PHLPP2: variants seen among roughly 807,000 people sequenced by gnomAD.
PHLPP2 encodes PH domain and leucine rich repeat protein phosphatase 2.
PHLPP2 carries 66 observed loss-of-function variants against 124.9 expected under a neutral mutation model. That is an observed-to-expected ratio of 0.53 (90% CI 0.43 to 0.65). PHLPP2 has a LOEUF of 0.65. Ranked by LOEUF, PHLPP2 falls within the 30% of genes least tolerant of loss-of-function variation. The probability of loss-of-function intolerance (pLI) is 0.00; values close to 1 mark genes in which losing one functional copy is unlikely to be tolerated. For missense variants in PHLPP2, 1,685 were observed against 1,600.4 expected, an observed-to-expected ratio of 1.05 and a Z score of -0.90; for synonymous variants, 681 against 624.7, an observed-to-expected ratio of 1.09 and a Z score of -1.34.
Position 71,663,848 on chromosome 16 carries a change from A to G in PHLPP2, c.1985+51T>C, listed in dbSNP as rs2044814835. The G allele has an allele frequency of 4.4e-6, 6 of 1,375,352 alleles. 1 individual carries two copies. In the African/African-American group the frequency reaches 5.7e-5, roughly 13 times the overall value. The allele number at this position is 1,375,352 out of a possible 1,614,324, so 85.2% of individuals were successfully genotyped here. A position where few individuals can be genotyped will look rare whatever the true frequency, so the allele number is the denominator to read the frequency against. ...GATGGCTATATTTTTTCTGACAAAT[A>G]TAGAATTAATGTTGTGTATTTGAAA... is the stretch of plus-strand genomic sequence containing the variant. On this transcript the variant is annotated intron_variant, in intron 13 of 18. Coordinates refer to ENST00000568954, the MANE Select transcript of PHLPP2 (RefSeq NM_015020.3).
chr16:71,723,901 G>GCGCGACGGCGTGCGGAGC (rs2045415912), intron 1 of PHLPP2: 1 of 899,858 alleles, frequency 1.1e-6, no homozygotes, highest in African/African-American at 1.8e-5. Context: ...CGCCCGGCCC[G>GCGCGACGGCGTGCGGAGC]CGCGACGGCG....
intron 1 of PHLPP2, among the ~76,000 whole-genome samples, chr16:71,718,395 T>C (rs890922956): frequency 1.3e-5 from 2 of 151,788 alleles, no homozygotes; most frequent in African/African-American, 2.4e-5. Context: ...CTGGCCAACA[T>C]AGTGAAACCC....
intron 6 of PHLPP2, among the ~76,000 whole-genome samples, chr16:71,679,846 G>T (rs1298142846): frequency 1.3e-5 from 2 of 152,154 alleles, no homozygotes; most frequent in African/African-American, 2.4e-5. Context: ...ACTTTGGAAG[G>T]CCGAGGCAGG....
intron 11 of PHLPP2, among the ~76,000 whole-genome samples, chr16:71,668,118 A>C (rs2044855071): frequency 6.6e-6 from 1 of 152,112 alleles, no homozygotes; most frequent in Admixed American, 6.6e-5. Context: ...AGTGATTAAG[A>C]GTGAAGGCTC....
intron 13 of PHLPP2, among the ~76,000 whole-genome samples, chr16:71,659,856 C>T (rs2145313610): frequency 6.6e-6 from 1 of 152,274 alleles, no homozygotes; most frequent in African/African-American, 2.4e-5. Flanking sequence ...AAATACATCA[C>T]CAATACCAGC....
chr16:71,652,673 T>G lies in PHLPP2; in HGVS notation c.2817+117A>C, dbSNP rs893711685. 4.4e-5 allele frequency: 31 copies of G among 704,232 alleles called. No individual in the cohort carries two copies. The Admixed American group carries it at 7.0e-4, about 16-fold the overall frequency. The allele number at this position is 704,232 out of a possible 1,614,324, so 43.6% of individuals were successfully genotyped here. A position where few individuals can be genotyped will look rare whatever the true frequency, so the allele number is the denominator to read the frequency against. ...AAACCATCTGCATTGAACTTTTATC[T>G]GGATTGGATACAATTTACAGGGCAT... On this transcript the variant is annotated intron_variant, in intron 18 of 18. Transcript: ENST00000568954.
intron 11 of PHLPP2, among the ~76,000 whole-genome samples, chr16:71,668,969 T>C (rs143071964): frequency 1.4e-4 from 21 of 152,344 alleles, no homozygotes; most frequent in African/African-American, 5.1e-4. Context: ...CAGCTTATAA[T>C]AGCTCATCCT....
intron 4 of PHLPP2, among the ~76,000 whole-genome samples, chr16:71,686,173 C>A (rs1267726085): frequency 6.6e-6 from 1 of 152,124 alleles, no homozygotes; most frequent in Non-Finnish European, 1.5e-5. Flanking sequence ...ATAAAATTCA[C>A]TGGTTTTTGT....
chr16:71,695,675 ACTCC>A (rs2045162106), intron 3 of PHLPP2, among the ~76,000 whole-genome samples: 1 of 150,870 alleles, frequency 6.6e-6, no homozygotes, highest in Non-Finnish European at 1.5e-5. Context: ...ATGCCACTGC[ACTCC>A]AGCCTGGGAA....
At chr16:71,717,938 C>T (rs951341718) in intron 1 of PHLPP2, among the ~76,000 whole-genome samples, 3 of 152,214 alleles carry the variant, frequency 2.0e-5, no homozygotes, top group African/African-American at 7.2e-5. Flanking sequence ...GTCACCCAGC[C>T]TGGACTACAG....
chr16:71,721,509 T>C (rs2045398547), intron 1 of PHLPP2, among the ~76,000 whole-genome samples: 1 of 152,144 alleles, frequency 6.6e-6, no homozygotes, highest in African/African-American at 2.4e-5. Context: ...GAGGCTGAGG[T>C]ACTTGAGCTC....
Position 71,649,829 on chromosome 16 carries a change from C to G in PHLPP2, c.3033G>C (p.Lys1011Asn), listed in dbSNP as rs966582380. 1.2e-6 allele frequency: 2 copies of G among 1,613,880 alleles called. No homozygotes were observed. Among genetic ancestry groups the G allele is most frequent in the African/African-American group, 2.7e-5 (2 of 74,944 alleles). The change falls in exon 19 of 19, where the codon AAG (lysine) becomes AAC (asparagine). Residue 1011 changes from lysine (K) to asparagine (N), a missense_variant. Physicochemically the swap from Lys to Asn is moderately conservative, Grantham distance 94. Coordinates refer to ENST00000568954, the MANE Select transcript of PHLPP2 (RefSeq NM_015020.3). The part of the protein sequence containing the change: ...RHVQDPLAAA[K>N]KLCTLAQSYG... The stretch of plus-strand genomic sequence containing the variant: ...AGCTCTGCGCTAATGTGCACAGCTT[C>G]TTAGCAGCTGCTAATGGGTCTTGTA...
intron 2 of PHLPP2, among the ~76,000 whole-genome samples, chr16:71,713,938 A>T (rs1376811113): frequency 2.7e-5 from 4 of 148,520 alleles, no homozygotes; most frequent in East Asian, 1.9e-4. Flanking sequence ...AAAAAACAAC[A>T]ACTTTTCTTT....
At chr16:71,679,359 GA>G in intron 7 of PHLPP2, 29 bp downstream of exon 7, 1 of 1,603,268 alleles carries the variant, frequency 6.2e-7, no homozygotes, top group Non-Finnish European at 8.5e-7. Context: ...TTCTGCAAGG[GA>G]AAAGAGGAAT....
At chr16:71,695,652 G>A (rs888564527) in intron 3 of PHLPP2, among the ~76,000 whole-genome samples, 2 of 151,550 alleles carry the variant, frequency 1.3e-5, no homozygotes, top group Admixed American at 1.3e-4. Context: ...GGAGGTTGCA[G>A]TGAGCCGAGG....
rs186508232 is a variant in PHLPP2 at position 71,657,812 on chromosome 16, G to A, written c.2279+421C>T. Among the ~76,000 whole-genome samples, 82 of 152,340 alleles carry A rather than the reference G, an allele frequency of 5.4e-4. 1 individual carries two copies. Among genetic ancestry groups the A allele is most frequent in the Admixed American group, 5.4e-3 (82 of 15,300 alleles). ...GAAGGAGGGGAGAGAAAGGAAAGGGGTAGGAGGATCAAAGGGGTAGGAGTT... is the reference window on the plus strand; with the variant it reads ...GAAGGAGGGGAGAGAAAGGAAAGGGATAGGAGGATCAAAGGGGTAGGAGTT... On this transcript the variant is annotated intron_variant, in intron 15 of 18. Transcript: ENST00000568954.
intron 18 of PHLPP2, among the ~76,000 whole-genome samples, chr16:71,652,181 A>G (rs1411875821): frequency 6.6e-6 from 1 of 152,268 alleles, no homozygotes; most frequent in African/African-American, 2.4e-5. Flanking sequence ...AAACTCAACA[A>G]TACAGAAACA....
chr16:71,679,680 T>C, intron 6 of PHLPP2, 145 bp from the exon 7 acceptor site: 4 of 675,266 alleles, frequency 5.9e-6, no homozygotes, highest in Non-Finnish European at 7.4e-6. Flanking sequence ...ACTCGCTGCA[T>C]ATCAAACACT....
intron 11 of PHLPP2, among the ~76,000 whole-genome samples, chr16:71,667,977 ACT>A (rs1199766015): frequency 6.6e-6 from 1 of 151,814 alleles, no homozygotes; most frequent in Non-Finnish European, 1.5e-5. Flanking sequence ...ACCAAGCCCC[ACT>A]CTCTTTCTCC....
Sources: allele counts gnomAD v4.1 joint callset (sites outside exome capture counted in the v4.1 genomes callset), GRCh38; gene constraint gnomAD v4.1.1; transcripts MANE v1.5; gene names NCBI Gene and HGNC (gene_info 2026-07-23, HGNC 2026-07-21).